Variants in PRMT3 observed in about 807,000 individuals in gnomAD.
PRMT3 encodes protein arginine methyltransferase 3.
PRMT3 carries 62 observed loss-of-function variants against 71.9 expected under a neutral mutation model. The ratio of observed to expected loss-of-function variants is 0.86; its 90% CI spans 0.70 to 1.07. The LOEUF is 1.07. Ranked by LOEUF, PRMT3 falls within the 50% of genes least tolerant of loss-of-function variation. The probability of loss-of-function intolerance (pLI) is 0.00; values close to 1 mark genes in which losing one functional copy is unlikely to be tolerated. For missense variants in PRMT3, 663 were observed against 643.0 expected, an observed-to-expected ratio of 1.03 and a Z score of -0.34; for synonymous variants, 213 against 220.4, an observed-to-expected ratio of 0.97 and a Z score of 0.30.
chr11:20,394,052 T>A (rs537752558), intron 5 of PRMT3, among the ~76,000 whole-genome samples: 2 of 152,364 alleles, frequency 1.3e-5, no homozygotes, highest in Non-Finnish European at 2.9e-5. Flanking sequence ...ACTTAGGCTG[T>A]AGTCTCTTAT....
At position 20,462,598 on chromosome 11, in the gene PRMT3, T is replaced by G. The variant is rs533106586; in HGVS notation, c.1260+431T>G. On this transcript the variant is annotated intron_variant, in intron 12 of 15. Transcript: ENST00000331079. ...CAGATTTCTTCCAGCGTTTTCAGAT[T>G]AAGTAATTACATATAGTAAATTTGC... is the stretch of plus-strand genomic sequence containing the variant. 5.8e-4 allele frequency among the ~76,000 whole-genome samples: 88 copies of G among 152,322 alleles called. No individual in the cohort carries two copies. The South Asian group carries it at 0.018, about 32-fold the overall frequency.
chr11:20,468,492 C>T (rs1354551994), intron 13 of PRMT3, among the ~76,000 whole-genome samples: 1 of 152,100 alleles, frequency 6.6e-6, no homozygotes, highest in African/African-American at 2.4e-5. Flanking sequence ...GCTCAGCCTC[C>T]CTAGTAGCTG....
In PRMT3 at chr11:20,417,774, T is replaced by TCACACACACA. The variant is rs34609751; in HGVS notation, c.894-8977_894-8968dup. ...AAATTTGCTTCTCTCTCTCTCTCTG[T>TCACACACACA]CACACACACACACACACACACACAG... is the stretch of plus-strand genomic sequence containing the variant. On this transcript the variant is annotated intron_variant, in intron 9 of 15. Transcript: ENST00000331079. Among the ~76,000 whole-genome samples the TCACACACACA allele has an allele frequency of 6.3e-3, 941 of 149,442 alleles. 10 individuals are homozygous for TCACACACACA. The highest frequency in any genetic ancestry group is 0.021 in the African/African-American group (878 of 40,916).
chr11:20,466,281 A>G (rs1447860114), intron 13 of PRMT3, among the ~76,000 whole-genome samples: 2 of 152,200 alleles, frequency 1.3e-5, no homozygotes, highest in African/African-American at 4.8e-5. Flanking sequence ...TTCAACTTCT[A>G]GAAACTTCTA....
rs200759340 is a variant in PRMT3 at position 20,494,161 on chromosome 11, A to G, written c.1399-6A>G. 21 of 1,596,290 alleles carry G rather than the reference A, an allele frequency of 1.3e-5. No individual in the cohort carries two copies. Among genetic ancestry groups the G allele is most frequent in the Non-Finnish European group, 1.5e-5 (17 of 1,164,138 alleles). ...CATCAAATACCTTTGAACTTTACCA[A>G]TTCAGGTCGTGTTCTCTACGGGCCC... On this transcript the variant is annotated splice_region_variant and splice_polypyrimidine_tract_variant and intron_variant, in intron 14 of 15. Coordinates refer to ENST00000331079, the MANE Select transcript of PRMT3 (RefSeq NM_005788.4).
intron 13 of PRMT3, among the ~76,000 whole-genome samples, chr11:20,468,830 GATT>G (rs1029740738): frequency 1.3e-5 from 2 of 152,110 alleles, no homozygotes; most frequent in Non-Finnish European, 2.9e-5. Flanking sequence ...GCTTCTTGAA[GATT>G]ATTAGAACCT....
At chr11:20,490,186 G>A (rs77361376) in intron 13 of PRMT3, among the ~76,000 whole-genome samples, 2,906 of 151,890 alleles carry the variant, frequency 0.019, 92 homozygotes, top group African/African-American at 0.065. Flanking sequence ...TCATGCTTCT[G>A]CTTTCTGTTT....
At chr11:20,465,895 T>C (rs1194088419) in intron 13 of PRMT3, among the ~76,000 whole-genome samples, 1 of 152,114 alleles carries the variant, frequency 6.6e-6, no homozygotes, top group East Asian at 1.9e-4. Context: ...TTTGATATTA[T>C]TAATACATGA....
At chr11:20,465,941 G>T (rs1413824245) in intron 13 of PRMT3, among the ~76,000 whole-genome samples, 1 of 151,962 alleles carries the variant, frequency 6.6e-6, no homozygotes, top group Admixed American at 6.6e-5. Flanking sequence ...AATGAAAATT[G>T]ATCAATCATC....
At chr11:20,455,866 T>G (rs1466837543) in intron 11 of PRMT3, among the ~76,000 whole-genome samples, 1 of 151,884 alleles carries the variant, frequency 6.6e-6, no homozygotes. Context: ...AAAGTAAAGT[T>G]TAATCCACAC....
intron 15 of PRMT3, among the ~76,000 whole-genome samples, chr11:20,496,560 C>T (rs2133457899): frequency 7.0e-6 from 1 of 143,464 alleles, no homozygotes; most frequent in Admixed American, 7.5e-5. Flanking sequence ...AAACAAGCAG[C>T]TCAGATTCAG....
intron 3 of PRMT3, among the ~76,000 whole-genome samples, chr11:20,390,363 C>A (rs553836903): frequency 6.6e-6 from 1 of 152,206 alleles, no homozygotes; most frequent in South Asian, 2.1e-4. Context: ...AAAACAAAAA[C>A]AGACTTGGCA....
At chr11:20,447,818 A>G (rs2133381779) in intron 10 of PRMT3, among the ~76,000 whole-genome samples, 1 of 152,110 alleles carries the variant, frequency 6.6e-6, no homozygotes, top group East Asian at 1.9e-4. Context: ...CTGCTTATTT[A>G]TGTAAAATCA....
intron 7 of PRMT3, among the ~76,000 whole-genome samples, chr11:20,400,859 A>T (rs924718525): frequency 3.3e-5 from 5 of 151,962 alleles, no homozygotes; most frequent in East Asian, 3.9e-4. Flanking sequence ...AAAAATTTTT[A>T]AATTTCTGTT....
chr11:20,411,181 G>C (rs1015058949), intron 9 of PRMT3, among the ~76,000 whole-genome samples: 5 of 152,024 alleles, frequency 3.3e-5, no homozygotes, highest in Non-Finnish European at 7.4e-5. Flanking sequence ...CCTAAAATTT[G>C]AGCTCTGTCA....
intron 10 of PRMT3, among the ~76,000 whole-genome samples, chr11:20,432,431 A>G (rs925083610): frequency 6.6e-6 from 1 of 152,126 alleles, no homozygotes; most frequent in African/African-American, 2.4e-5. Context: ...TTGTGTATAT[A>G]TGTCACATTT....
At chr11:20,443,274 C>T (rs1479487641) in intron 10 of PRMT3, among the ~76,000 whole-genome samples, 2 of 152,156 alleles carry the variant, frequency 1.3e-5, no homozygotes, top group African/African-American at 2.4e-5. Flanking sequence ...GACTGCTCAA[C>T]ACCAAGGTTC....
At chr11:20,388,262 T>A (rs1043649088) in intron 2 of PRMT3, 108 bp downstream of exon 2, 127 of 1,490,748 alleles carry the variant, frequency 8.5e-5, no homozygotes, top group Non-Finnish European at 1.1e-4. Flanking sequence ...GGCCTGTCTT[T>A]GAATTCTGGA....
chr11:20,455,408 T>C (rs772794782), intron 11 of PRMT3, among the ~76,000 whole-genome samples: 8 of 152,112 alleles, frequency 5.3e-5, no homozygotes, highest in Non-Finnish European at 4.4e-5. Context: ...TAACATTAAA[T>C]TGAGTGATGA....
Sources: allele counts gnomAD v4.1 joint callset (sites outside exome capture counted in the v4.1 genomes callset), GRCh38; gene constraint gnomAD v4.1.1; transcripts MANE v1.5; gene names NCBI Gene and HGNC (gene_info 2026-07-23, HGNC 2026-07-21).